TENM2: variants seen among roughly 807,000 people sequenced by gnomAD.
TENM2 encodes teneurin transmembrane protein 2.
A neutral mutation model predicts 245.2 loss-of-function variants in TENM2; 52 were observed. That is an observed-to-expected ratio of 0.21 (90% CI 0.17 to 0.27). TENM2 has a LOEUF of 0.27. Among genes scored for constraint, TENM2 ranks in the 10% least tolerant of loss-of-function variants. TENM2 has a pLI of 1.00. For missense variants in TENM2, 3,046 were observed against 3,666.8 expected, an observed-to-expected ratio of 0.83 and a Z score of 4.37; for synonymous variants, 1,363 against 1,438.9, an observed-to-expected ratio of 0.95 and a Z score of 1.19.
At chr5:167,837,097 C>CACAG (rs1769072446) in intron 2 of TENM2, among the ~76,000 whole-genome samples, 1 of 142,978 alleles carries the variant, frequency 7.0e-6, no homozygotes, top group African/African-American at 2.6e-5. Context: ...CACACACACA[C>CACAG]AGAGATATAT....
chr5:168,053,685 A>C lies in TENM2; in HGVS notation c.1309+6136A>C, dbSNP rs547622544. ...TTATAGAGGAGGACATACATGGGTT[A>C]TGTGAAAATACTACACCATTTTATA... On this transcript the variant is annotated intron_variant, in intron 6 of 28. Transcript: ENST00000518659. 2.0e-4 allele frequency among the ~76,000 whole-genome samples: 30 copies of C among 152,374 alleles called. No individual in the cohort carries two copies. In the South Asian group the frequency reaches 6.0e-3, roughly 30 times the overall value.
At chr5:167,293,974 T>TTGTG (rs1253377058) in intron 1 of TENM2, among the ~76,000 whole-genome samples, 3 of 63,226 alleles carry the variant, frequency 4.7e-5, no homozygotes, top group Non-Finnish European at 6.5e-5. Flanking sequence ...TAGATGTGAG[T>TTGTG]TCTGTGTGTG....
chr5:167,611,407 C>T (rs972047688), intron 2 of TENM2, among the ~76,000 whole-genome samples: 6 of 151,990 alleles, frequency 3.9e-5, no homozygotes. Flanking sequence ...TGGGGAAAAC[C>T]TTGGTCTAGG....
chr5:168,242,133 A>C (rs1461360390), intron 25 of TENM2, among the ~76,000 whole-genome samples: 1 of 152,230 alleles, frequency 6.6e-6, no homozygotes, highest in African/African-American at 2.4e-5. Context: ...CCTAGCTCTC[A>C]GCTGAGTCAA....
At chr5:167,376,582 A>C (rs929447455) in intron 2 of TENM2, among the ~76,000 whole-genome samples, 1 of 152,216 alleles carries the variant, frequency 6.6e-6, no homozygotes, top group South Asian at 2.1e-4. Context: ...ATACTCAAAA[A>C]GATGTCACTT....
intron 3 of TENM2, among the ~76,000 whole-genome samples, chr5:167,933,322 A>G (rs1291120190): frequency 1.3e-5 from 2 of 152,234 alleles, no homozygotes; most frequent in Non-Finnish European, 2.9e-5. Flanking sequence ...ATGAACAGCA[A>G]AAATGGTAAG....
intron 25 of TENM2, among the ~76,000 whole-genome samples, chr5:168,242,252 A>G (rs752913137): frequency 6.6e-6 from 1 of 152,196 alleles, no homozygotes; most frequent in Non-Finnish European, 1.5e-5. Context: ...TTACCTGGGC[A>G]CAAAGCTGTT....
intron 1 of TENM2, among the ~76,000 whole-genome samples, chr5:167,357,030 A>G (rs1759381059): frequency 6.6e-6 from 1 of 152,166 alleles, no homozygotes; most frequent in African/African-American, 2.4e-5. Flanking sequence ...TGTCCAATGG[A>G]TAAGTTGGCT....
At chr5:168,073,212 A>G (rs1791175345) in intron 7 of TENM2, among the ~76,000 whole-genome samples, 1 of 152,232 alleles carries the variant, frequency 6.6e-6, no homozygotes, top group South Asian at 2.1e-4. Context: ...CTCACATAAC[A>G]TGTTCAACAA....
At chr5:167,448,390 CGTCT>C (rs1459952988) in intron 2 of TENM2, among the ~76,000 whole-genome samples, 1 of 151,702 alleles carries the variant, frequency 6.6e-6, no homozygotes, top group Non-Finnish European at 1.5e-5. Context: ...AAGCAATAAG[CGTCT>C]GTCTGTCTCC....
At chr5:167,579,132 G>T (rs1245349126) in intron 2 of TENM2, among the ~76,000 whole-genome samples, 1 of 152,142 alleles carries the variant, frequency 6.6e-6, no homozygotes, top group African/African-American at 2.4e-5. Context: ...ATGGGGTGCT[G>T]CCCATGACAT....
chr5:168,071,089 C>A (rs1790977268), intron 7 of TENM2, among the ~76,000 whole-genome samples: 1 of 152,158 alleles, frequency 6.6e-6, no homozygotes, highest in South Asian at 2.1e-4. Flanking sequence ...CTATCTGACT[C>A]TGAACTCCAG....
At chr5:167,581,480 A>C (rs1339398251) in intron 2 of TENM2, among the ~76,000 whole-genome samples, 3 of 152,320 alleles carry the variant, frequency 2.0e-5, no homozygotes, top group East Asian at 3.9e-4. Flanking sequence ...ATAGTACATA[A>C]ACTGAAAATG....
At chr5:167,858,862 G>C (rs1367762078) in intron 2 of TENM2, among the ~76,000 whole-genome samples, 1 of 139,212 alleles carries the variant, frequency 7.2e-6, no homozygotes, top group Non-Finnish European at 1.6e-5. Context: ...CGCGGGGCCC[G>C]AGGGCAAGGA....
chr5:167,989,923 A>G (rs1029164489), intron 4 of TENM2, among the ~76,000 whole-genome samples: 2 of 152,160 alleles, frequency 1.3e-5, no homozygotes, highest in Admixed American at 1.3e-4. Flanking sequence ...GTGGGTCAGG[A>G]GCTAAGGAGT....
At chr5:167,138,835 C>A in the TENM2 span, among the ~76,000 whole-genome samples, 2 of 152,074 alleles carry the variant, frequency 1.3e-5, no homozygotes, top group African/African-American at 4.8e-5. Context: ...GTTGGCCAGG[C>A]TGGTCTCAAA....
chr5:167,411,966 C>A (rs1279741342), intron 2 of TENM2, among the ~76,000 whole-genome samples: 1 of 151,994 alleles, frequency 6.6e-6, no homozygotes, highest in African/African-American at 2.4e-5. Flanking sequence ...TACTTAAATG[C>A]AAGTATTTTG....
intron 2 of TENM2, among the ~76,000 whole-genome samples, chr5:167,476,884 C>T (rs1767420673): frequency 6.6e-6 from 1 of 152,148 alleles, no homozygotes; most frequent in African/African-American, 2.4e-5. Flanking sequence ...CAGGAGTGAG[C>T]CACTGTGCCC....
intron 2 of TENM2, among the ~76,000 whole-genome samples, chr5:167,557,674 G>C (rs865816632): frequency 2.0e-5 from 3 of 152,262 alleles, no homozygotes; most frequent in Admixed American, 1.3e-4. Context: ...TACCCAGTAG[G>C]GGGGTGATTC....
Sources: gnomAD v4.1 joint callset for allele counts (sites outside exome capture counted in the v4.1 genomes callset) on GRCh38, gnomAD v4.1.1 for gene constraint, MANE v1.5 for transcripts, NCBI Gene and HGNC (gene_info 2026-07-23, HGNC 2026-07-21) for gene names.